The following RAB6B variants were observed in gnomAD, a reference collection of about 807,000 sequenced individuals.
The protein encoded by RAB6B is RAB6B, member RAS oncogene family, also known as ras-related protein Rab-6B.
RAB6B carries 7 observed loss-of-function variants against 31.2 expected under a neutral mutation model. That is an observed-to-expected ratio of 0.22 (90% CI 0.13 to 0.42). The LOEUF is 0.42. RAB6B is among the 10% of genes least tolerant of loss of function. The pLI is 1.00. For synonymous variants in RAB6B, 105 were observed against 104.9 expected, an observed-to-expected ratio of 1.00 and a Z score of -0.01; for missense variants, 149 against 280.6, an observed-to-expected ratio of 0.53 and a Z score of 3.35.
At chr3:133,833,714 G>C (rs538347907) in intron 7 of RAB6B, among the ~76,000 whole-genome samples, 2 of 152,324 alleles carry the variant, frequency 1.3e-5, no homozygotes, top group Admixed American at 1.3e-4. Flanking sequence ...AGGATCAGTG[G>C]GGGATGTTGG....
intron 4 of RAB6B, 43 bp downstream of exon 4, chr3:133,841,242 C>G (rs372537230): frequency 6.3e-7 from 1 of 1,597,398 alleles, no homozygotes; most frequent in East Asian, 2.2e-5. Context: ...GGGCCCTGGA[C>G]CCCCTATGAG....
At position 133,889,388 on chromosome 3, in the gene RAB6B, TTATATATATATATATATATATATATATA is replaced by T. The variant is rs5852771; in HGVS notation, c.70+5981_70+6008del. Among the ~76,000 whole-genome samples the T allele has an allele frequency of 5.2e-3, 420 of 80,282 alleles. 11 individuals are homozygous for T. The highest frequency in any genetic ancestry group is 0.013 in the Middle Eastern group (2 of 152). The allele number at this position is 80,282 out of a possible 152,430, so 52.7% of individuals were successfully genotyped here. A position where few individuals can be genotyped will look rare whatever the true frequency, so the allele number is the denominator to read the frequency against. On this transcript the variant is annotated intron_variant, in intron 1 of 7. Transcript: ENST00000285208. ...ACAAAAGGACAATAAGGTTATTTTGTTATATATATATATATATATATATATATATATATATATATATATATATATATAT... is the reference window on the plus strand; with the variant it reads ...ACAAAAGGACAATAAGGTTATTTTGTTATATATATATATATATATATATAT...
intron 2 of RAB6B, among the ~76,000 whole-genome samples, chr3:133,859,985 C>T (rs1936136439): frequency 6.6e-6 from 1 of 152,194 alleles, no homozygotes; most frequent in Admixed American, 6.5e-5. Flanking sequence ...GAAATGGCCT[C>T]ACCAGGTCGA....
At chr3:133,879,902 GCA>G (rs1267154632) in intron 1 of RAB6B, among the ~76,000 whole-genome samples, 2 of 152,188 alleles carry the variant, frequency 1.3e-5, no homozygotes, top group African/African-American at 4.8e-5. Context: ...TACATCCTTA[GCA>G]CACACAGTTA....
At chr3:133,875,357 G>A in intron 1 of RAB6B, among the ~76,000 whole-genome samples, 1 of 152,034 alleles carries the variant, frequency 6.6e-6, no homozygotes. Flanking sequence ...ACTTATATGT[G>A]GAAACTAAAA....
intron 2 of RAB6B, among the ~76,000 whole-genome samples, chr3:133,847,466 T>C (rs138502710): frequency 1.3e-5 from 2 of 152,296 alleles, no homozygotes; most frequent in East Asian, 3.9e-4. Flanking sequence ...TTCTCTTCTA[T>C]ATCTCAGTCT....
chr3:133,858,983 TTGAC>T (rs1216207518), intron 2 of RAB6B, among the ~76,000 whole-genome samples: 2 of 152,166 alleles, frequency 1.3e-5, no homozygotes, highest in Admixed American at 6.5e-5. Context: ...TATTTATTAA[TTGAC>T]TGACTGATTG....
chr3:133,884,995 C>T (rs569395414), intron 1 of RAB6B, among the ~76,000 whole-genome samples: 17 of 139,064 alleles, frequency 1.2e-4, no homozygotes, highest in East Asian at 2.3e-4. Flanking sequence ...AACCAGAGGA[C>T]GGCGGGGCTC....
At chr3:133,829,349 G>A (rs1012022384) in intron 7 of RAB6B, among the ~76,000 whole-genome samples, 2 of 152,174 alleles carry the variant, frequency 1.3e-5, no homozygotes, top group African/African-American at 4.8e-5. Flanking sequence ...GATGGTTACT[G>A]TAAGAAGCCA....
intron 1 of RAB6B, among the ~76,000 whole-genome samples, chr3:133,886,172 T>C (rs2108015127): frequency 6.6e-6 from 1 of 152,322 alleles, no homozygotes; most frequent in East Asian, 1.9e-4. Flanking sequence ...TGCCTGGGCA[T>C]GGTCAGGCCC....
At chr3:133,893,509 A>G (rs1936665706) in intron 1 of RAB6B, among the ~76,000 whole-genome samples, 1 of 152,206 alleles carries the variant, frequency 6.6e-6, no homozygotes, top group Non-Finnish European at 1.5e-5. Context: ...GGGATTCTGA[A>G]GGAGCCCAGA....
chr3:133,866,885 G>C (rs1289143244), intron 1 of RAB6B, among the ~76,000 whole-genome samples: 5 of 152,270 alleles, frequency 3.3e-5, no homozygotes, highest in Non-Finnish European at 7.3e-5. Context: ...CACTTCCCTA[G>C]GCAGCGACGC....
chr3:133,895,551 G>C lies in RAB6B; in HGVS notation c.-85C>G, dbSNP rs1936697632. On this transcript the variant is annotated 5_prime_UTR_variant, in exon 1 of 8. Coordinates refer to ENST00000285208, the MANE Select transcript of RAB6B (RefSeq NM_016577.4). Reference sequence around the variant, plus strand: ...GAGAGTAGGAGGGCGAGGGGAGGCGGCCGGCGGTGCGGGAGCCGGAGGGGG... The same window carrying C: ...GAGAGTAGGAGGGCGAGGGGAGGCGCCCGGCGGTGCGGGAGCCGGAGGGGG... 10 of 1,413,184 alleles carry C rather than the reference G, an allele frequency of 7.1e-6. No individual in the cohort carries two copies. The highest frequency in any genetic ancestry group is 9.8e-6 in the Non-Finnish European group (10 of 1,015,904). The allele number at this position is 1,413,184 out of a possible 1,614,324, so 87.5% of individuals were successfully genotyped here.
At chr3:133,833,356 G>A (rs1214273138) in intron 7 of RAB6B, among the ~76,000 whole-genome samples, 4 of 152,076 alleles carry the variant, frequency 2.6e-5, no homozygotes, top group South Asian at 2.1e-4. Flanking sequence ...CCCTCCTCTC[G>A]GCCACTGCTT....
At chr3:133,878,235 C>T (rs1456789244) in intron 1 of RAB6B, among the ~76,000 whole-genome samples, 2 of 152,052 alleles carry the variant, frequency 1.3e-5, no homozygotes, top group Non-Finnish European at 2.9e-5. Flanking sequence ...CAGCAAGGCA[C>T]ATCTTAGTCA....
At chr3:133,876,253 G>A (rs1028514112) in intron 1 of RAB6B, among the ~76,000 whole-genome samples, 2 of 152,074 alleles carry the variant, frequency 1.3e-5, no homozygotes, top group Non-Finnish European at 2.9e-5. Context: ...CTAAATTCAG[G>A]GGCAGCCATG....
chr3:133,873,840 T>A (rs1936357803), intron 1 of RAB6B, among the ~76,000 whole-genome samples: 1 of 152,240 alleles, frequency 6.6e-6, no homozygotes. Flanking sequence ...GCCTTCCTGA[T>A]AACATAAACA....
intron 2 of RAB6B, among the ~76,000 whole-genome samples, chr3:133,854,263 C>T (rs564643612): frequency 2.4e-4 from 36 of 152,342 alleles, no homozygotes; most frequent in African/African-American, 8.4e-4. Context: ...CTACTTCCCT[C>T]TTCTAGCTTG....
intron 2 of RAB6B, among the ~76,000 whole-genome samples, chr3:133,852,910 T>C (rs1218505683): frequency 6.6e-6 from 1 of 152,192 alleles, no homozygotes; most frequent in Non-Finnish European, 1.5e-5. Context: ...TGCATGGTAT[T>C]TCCTTTCCCT....
Sources: allele counts gnomAD v4.1 joint callset (sites outside exome capture counted in the v4.1 genomes callset), GRCh38; gene constraint gnomAD v4.1.1; transcripts MANE v1.5; gene names NCBI Gene and HGNC (gene_info 2026-07-23, HGNC 2026-07-21).